RSRC1: variants seen among roughly 807,000 people sequenced by gnomAD.
RSRC1 encodes serine/Arginine-related protein 53.
In RSRC1, 39 loss-of-function variants were observed where a neutral mutation model predicts 49.1. The ratio of observed to expected loss-of-function variants is 0.79; its 90% CI spans 0.61 to 1.04. The LOEUF (loss-of-function observed/expected upper bound fraction) is 1.04, where lower values mean the gene tolerates loss of function less well. Among genes scored for constraint, RSRC1 ranks in the 50% least tolerant of loss-of-function variants. The pLI is 0.00. For synonymous variants in RSRC1, 143 were observed against 130.8 expected (o/e 1.09, Z -0.63); for missense variants, 388 against 402.4 (o/e 0.96, Z 0.31).
Position 158,282,608 on chromosome 3 carries a change from G to A in RSRC1, c.495-15431G>A, listed in dbSNP as rs536505118. On this transcript the variant is annotated intron_variant, in intron 4 of 9. Coordinates refer to ENST00000611884, the MANE Select transcript of RSRC1 (RefSeq NM_001271838.2). The stretch of plus-strand genomic sequence containing the variant: ...TTGGGACATTTGCAAAGATCTTAGC[G>A]CTTACCCATTAAATGTCAGGAAGGA... Among the ~76,000 whole-genome samples the A allele has an allele frequency of 6.4e-4, 97 of 152,206 alleles. No individual in the cohort carries two copies. In the South Asian group the frequency reaches 0.017, roughly 27 times the overall value.
intron 4 of RSRC1, among the ~76,000 whole-genome samples, chr3:158,294,019 C>T: frequency 6.6e-6 from 1 of 152,010 alleles, no homozygotes; most frequent in East Asian, 1.9e-4. Flanking sequence ...TTTTAAACAT[C>T]CTTTCAGCAC....
chr3:158,193,606 C>CA (rs998746276), intron 3 of RSRC1, among the ~76,000 whole-genome samples: 3 of 151,962 alleles, frequency 2.0e-5, no homozygotes, highest in Admixed American at 6.6e-5. Context: ...GAGGTTATCA[C>CA]AAAAAAGGCT....
At position 158,122,149 on chromosome 3, in the gene RSRC1, G is replaced by A. The variant is rs758098149; in HGVS notation, c.45G>A (p.Lys15=). The A allele has an allele frequency of 6.4e-7, 1 of 1,567,064 alleles. No individual in the cohort carries two copies. The highest frequency in any genetic ancestry group is 2.4e-5 in the East Asian group (1 of 42,200). ...ATACTGAAGAAGAAAGCAGAAGCAA[G>A]AGAAAAAAGAAACACCGTAGACGGT... ...SSDTEEESRS[K]RKKKHRRRSS... Residue 15 remains lysine, a synonymous_variant, in exon 2 of 10, where the codon AAG becomes AAA. Transcript: ENST00000611884.
intron 7 of RSRC1, among the ~76,000 whole-genome samples, chr3:158,516,150 T>G (rs1458155861): frequency 2.6e-5 from 4 of 152,268 alleles, no homozygotes; most frequent in South Asian, 2.1e-4. Flanking sequence ...AGGAACTGCG[T>G]TCCTTTGGAG....
chr3:158,400,407 C>G (rs999410801), intron 6 of RSRC1, among the ~76,000 whole-genome samples: 31 of 151,440 alleles, frequency 2.0e-4, no homozygotes, highest in Non-Finnish European at 7.4e-5. Context: ...GGAGTGTTCA[C>G]TTTCTGTGTA....
chr3:158,378,067 T>C (rs1732473408), intron 6 of RSRC1, among the ~76,000 whole-genome samples: 1 of 152,152 alleles, frequency 6.6e-6, no homozygotes, highest in African/African-American at 2.4e-5. Flanking sequence ...TCTCTATCGC[T>C]CTGTTTTATC....
chr3:158,166,084 T>C (rs924561411), intron 3 of RSRC1, among the ~76,000 whole-genome samples: 16 of 152,180 alleles, frequency 1.1e-4, no homozygotes, highest in African/African-American at 3.9e-4. Flanking sequence ...TTGAAAGCTA[T>C]ACATATTTTT....
chr3:158,433,122 A>G (rs921176377), intron 6 of RSRC1, among the ~76,000 whole-genome samples: 7 of 151,968 alleles, frequency 4.6e-5, no homozygotes, highest in Admixed American at 1.3e-4. Context: ...TTGATGAGCC[A>G]AGAACATACT....
At chr3:158,462,062 A>C (rs1737645755) in intron 7 of RSRC1, among the ~76,000 whole-genome samples, 1 of 151,594 alleles carries the variant, frequency 6.6e-6, no homozygotes, top group Non-Finnish European at 1.5e-5. Flanking sequence ...TTCAAACTAA[A>C]TGTGGATGAA....
At chr3:158,450,496 T>TTTTTACCTGTACA (rs1736967223) in intron 6 of RSRC1, among the ~76,000 whole-genome samples, 1 of 151,922 alleles carries the variant, frequency 6.6e-6, no homozygotes. Flanking sequence ...TGACTAAACA[T>TTTTTACCTGTACA]TTTTACCTGT....
chr3:158,271,314 A>C (rs1046997567), intron 4 of RSRC1, among the ~76,000 whole-genome samples: 3 of 152,124 alleles, frequency 2.0e-5, no homozygotes, highest in Admixed American at 2.0e-4. Context: ...TTGAGGGAGT[A>C]GGTGGGGAAA....
intron 4 of RSRC1, among the ~76,000 whole-genome samples, chr3:158,205,039 G>T (rs1464119888): frequency 2.0e-5 from 3 of 152,252 alleles, no homozygotes; most frequent in African/African-American, 7.2e-5. Flanking sequence ...TGTTCAAGTG[G>T]ACCAATTTCT....
intron 3 of RSRC1, among the ~76,000 whole-genome samples, chr3:158,155,575 G>A (rs560975339): frequency 6.7e-6 from 1 of 149,948 alleles, no homozygotes; most frequent in East Asian, 2.0e-4. Context: ...GGGACTACAG[G>A]AATGCACCAC....
intron 5 of RSRC1, among the ~76,000 whole-genome samples, chr3:158,304,154 T>C (rs1277336621): frequency 6.6e-6 from 1 of 152,162 alleles, no homozygotes; most frequent in Non-Finnish European, 1.5e-5. Flanking sequence ...ATTTTAAGTG[T>C]TGAAAAGCAA....
intron 7 of RSRC1, among the ~76,000 whole-genome samples, chr3:158,466,217 A>G (rs1026367257): frequency 2.0e-5 from 3 of 152,158 alleles, no homozygotes; most frequent in African/African-American, 7.2e-5. Flanking sequence ...TAGCTAAGTC[A>G]TACTATTTTT....
chr3:158,387,668 G>C (rs1733039953), intron 6 of RSRC1, among the ~76,000 whole-genome samples: 1 of 152,148 alleles, frequency 6.6e-6, no homozygotes, highest in East Asian at 1.9e-4. Context: ...TACAAGTATT[G>C]GTATGGTTTA....
chr3:158,412,171 G>C (rs563992549), intron 6 of RSRC1, among the ~76,000 whole-genome samples: 1 of 151,968 alleles, frequency 6.6e-6, no homozygotes, highest in African/African-American at 2.4e-5. Context: ...TCTATCTTCA[G>C]TGCTTAAGAG....
chr3:158,138,110 G>T (rs1483103900), intron 3 of RSRC1, among the ~76,000 whole-genome samples: 2 of 152,150 alleles, frequency 1.3e-5, no homozygotes, highest in Non-Finnish European at 2.9e-5. Context: ...CCACATTGTG[G>T]GGACCTCTAG....
intron 4 of RSRC1, among the ~76,000 whole-genome samples, chr3:158,283,030 A>G (rs1263782360): frequency 1.3e-5 from 2 of 152,104 alleles, no homozygotes; most frequent in Non-Finnish European, 2.9e-5. Flanking sequence ...TGTGTTCATT[A>G]TCTCTATTTC....
Sources: allele counts gnomAD v4.1 joint callset (sites outside exome capture counted in the v4.1 genomes callset), GRCh38; gene constraint gnomAD v4.1.1; transcripts MANE v1.5; gene names NCBI Gene and HGNC (gene_info 2026-07-23, HGNC 2026-07-21).